Variants in EPHA6 observed in about 807,000 individuals in gnomAD.
The protein encoded by EPHA6 is EPH receptor A6.
Under a neutral mutation model 112.0 loss-of-function variants are expected in EPHA6, and 50 were observed. That is an observed-to-expected ratio of 0.45 (90% CI 0.36 to 0.56). The LOEUF is 0.56. EPHA6 is among the 20% of genes least tolerant of loss of function. The pLI is 0.00. For synonymous variants in EPHA6, 529 were observed against 490.7 expected (o/e 1.08, Z -1.03); for missense variants, 1,280 against 1,417.4 (o/e 0.90, Z 1.56).
At chr3:97,009,894 C>G in intron 3 of EPHA6, 1 of 437,248 alleles carries the variant, frequency 2.3e-6, no homozygotes, top group Non-Finnish European at 4.5e-6. Flanking sequence ...GCTCTTCCTT[C>G]TCTCCATGGG....
At chr3:97,704,903 A>T (rs1185325216) in intron 14 of EPHA6, among the ~76,000 whole-genome samples, 2 of 152,186 alleles carry the variant, frequency 1.3e-5, no homozygotes, top group African/African-American at 4.8e-5. Flanking sequence ...AAGTAATGTT[A>T]CTAACTTTCT....
chr3:97,190,157 A>C (rs1236686434), intron 3 of EPHA6, among the ~76,000 whole-genome samples: 2 of 152,108 alleles, frequency 1.3e-5, no homozygotes, highest in Non-Finnish European at 2.9e-5. Context: ...TACACTTTGA[A>C]AGGAACAGTA....
At chr3:97,010,068 A>T (rs2044030348) in intron 3 of EPHA6, 8 of 1,293,678 alleles carry the variant, frequency 6.2e-6, no homozygotes, top group Non-Finnish European at 8.1e-6. Flanking sequence ...GTAACCTTTG[A>T]AGAATAAAAG....
At chr3:97,435,728 T>G (rs546753793) in intron 6 of EPHA6, among the ~76,000 whole-genome samples, 1 of 152,312 alleles carries the variant, frequency 6.6e-6, no homozygotes, top group South Asian at 2.1e-4. Flanking sequence ...TAAATTTAAC[T>G]TATGGCTTCA....
chr3:96,835,961 A>T (rs936133065), intron 1 of EPHA6, among the ~76,000 whole-genome samples: 2 of 152,148 alleles, frequency 1.3e-5, no homozygotes, highest in Non-Finnish European at 2.9e-5. Context: ...AAGGGGAAAT[A>T]AGCATCAATG....
chr3:97,122,364 A>G lies in EPHA6; in HGVS notation c.1115-103900A>G, dbSNP rs181597519. Among the ~76,000 whole-genome samples the G allele has an allele frequency of 5.3e-5, 8 of 152,104 alleles. No homozygotes were observed. The East Asian group carries it at 1.4e-3, about 26-fold the overall frequency. ...AGTCACAAAATTCCTACGGTTTTCT[A>G]TTGAATTACGTGTATTTTTAAGATA... On this transcript the variant is annotated intron_variant, in intron 3 of 17. Transcript: ENST00000389672.
chr3:97,159,775 A>G (rs909012694), intron 3 of EPHA6, among the ~76,000 whole-genome samples: 2 of 152,206 alleles, frequency 1.3e-5, no homozygotes, highest in African/African-American at 4.8e-5. Flanking sequence ...GTTTTTGGTC[A>G]GAAGCAATGC....
chr3:96,870,539 C>A (rs2036573923), intron 2 of EPHA6, among the ~76,000 whole-genome samples: 1 of 152,044 alleles, frequency 6.6e-6, no homozygotes. Flanking sequence ...TACACACACA[C>A]CTGGAAATAA....
At chr3:97,574,280 A>G (rs995174973) in intron 11 of EPHA6, among the ~76,000 whole-genome samples, 1 of 152,160 alleles carries the variant, frequency 6.6e-6, no homozygotes, top group African/African-American at 2.4e-5. Context: ...TGCTAATACC[A>G]TAAGTGCTGT....
intron 3 of EPHA6, among the ~76,000 whole-genome samples, chr3:97,212,785 C>G (rs76743023): frequency 0.058 from 8,794 of 152,118 alleles, 849 homozygotes; most frequent in African/African-American, 0.2. Context: ...TGGCAACTTA[C>G]CTGAGTTTGC....
intron 3 of EPHA6, among the ~76,000 whole-genome samples, chr3:97,034,058 C>T (rs1445995766): frequency 6.6e-6 from 1 of 151,820 alleles, no homozygotes; most frequent in Non-Finnish European, 1.5e-5. Flanking sequence ...CCATCTGTGT[C>T]ACATTATAAA....
At chr3:97,219,035 G>T (rs1352554510) in intron 3 of EPHA6, among the ~76,000 whole-genome samples, 2 of 152,102 alleles carry the variant, frequency 1.3e-5, no homozygotes, top group East Asian at 3.9e-4. Context: ...TTGACTTCTT[G>T]TCTCACTTTC....
In EPHA6 at chr3:97,505,448, C is replaced by T. The variant is rs186082328; in HGVS notation, c.2200+21389C>T. Among the ~76,000 whole-genome samples the T allele has an allele frequency of 1.7e-3, 255 of 151,106 alleles. 1 individual carries two copies. Among genetic ancestry groups the T allele is most frequent in the African/African-American group, 6.0e-3 (248 of 41,128 alleles). ...GTGAGAACATGTGGTGTTTGGTTGTCTGTTCCTGTGTTAGTTTGCTGAGAA... is the reference window on the plus strand; with the variant it reads ...GTGAGAACATGTGGTGTTTGGTTGTTTGTTCCTGTGTTAGTTTGCTGAGAA... On this transcript the variant is annotated intron_variant, in intron 10 of 17. Coordinates refer to ENST00000389672, the MANE Select transcript of EPHA6 (RefSeq NM_001080448.3).
intron 10 of EPHA6, among the ~76,000 whole-genome samples, chr3:97,495,102 G>A (rs1250076996): frequency 2.6e-5 from 4 of 152,108 alleles, no homozygotes; most frequent in African/African-American, 7.2e-5. Flanking sequence ...GCTGCCACGC[G>A]CTGTTGGCAT....
chr3:97,658,222 C>G (rs2094148194), intron 14 of EPHA6, among the ~76,000 whole-genome samples: 1 of 151,720 alleles, frequency 6.6e-6, no homozygotes, highest in Non-Finnish European at 1.5e-5. Context: ...ACTATGAGCC[C>G]TGATTTTTTT....
intron 5 of EPHA6, among the ~76,000 whole-genome samples, chr3:97,300,454 C>T (rs1453384543): frequency 2.6e-5 from 4 of 152,110 alleles, no homozygotes; most frequent in Admixed American, 6.6e-5. Context: ...TCAAAGTGCA[C>T]CCACCATACA....
At chr3:97,200,074 A>G (rs2077541753) in intron 3 of EPHA6, among the ~76,000 whole-genome samples, 1 of 152,106 alleles carries the variant, frequency 6.6e-6, no homozygotes. Flanking sequence ...TTGGGAACAA[A>G]TAGTTAAGGG....
intron 11 of EPHA6, among the ~76,000 whole-genome samples, chr3:97,543,889 C>G (rs1560119173): frequency 6.6e-6 from 1 of 151,432 alleles, no homozygotes; most frequent in East Asian, 1.9e-4. Context: ...TGATTTGGCT[C>G]TCTGTCTGTT....
chr3:97,648,414 C>T (rs939086480), intron 14 of EPHA6: 2 of 1,505,490 alleles, frequency 1.3e-6, no homozygotes, highest in African/African-American at 1.4e-5. Context: ...AATAATGAAG[C>T]AGCATGAGGG....
Sources: gnomAD v4.1 joint callset for allele counts (sites outside exome capture counted in the v4.1 genomes callset) on GRCh38, gnomAD v4.1.1 for gene constraint, MANE v1.5 for transcripts, NCBI Gene and HGNC (gene_info 2026-07-23, HGNC 2026-07-21) for gene names.